PACRG: variants seen among roughly 807,000 people sequenced by gnomAD.
The protein encoded by PACRG is parkin coregulated.
PACRG carries 29 observed loss-of-function variants against 29.7 expected under a neutral mutation model. The ratio of observed to expected loss-of-function variants is 0.98; its 90% CI spans 0.73 to 1.33. PACRG has a LOEUF of 1.33. Among genes scored for constraint, PACRG ranks in the 40% most tolerant of loss-of-function variants. The pLI, the probability that PACRG is intolerant of heterozygous loss-of-function variation, is 0.00. For missense variants in PACRG, 279 were observed against 316.2 expected, an observed-to-expected ratio of 0.88 and a Z score of 0.89; for synonymous variants, 116 against 118.7, an observed-to-expected ratio of 0.98 and a Z score of 0.15.
chr6:162,838,121 AT>A (rs1789399312), intron 2 of PACRG, among the ~76,000 whole-genome samples: 1 of 152,142 alleles, frequency 6.6e-6, no homozygotes, highest in Non-Finnish European at 1.5e-5. Flanking sequence ...TTGACTTATT[AT>A]TACATATCAT....
intron 1 of PACRG, among the ~76,000 whole-genome samples, chr6:162,780,523 A>T (rs937733535): frequency 1.3e-5 from 2 of 152,200 alleles, no homozygotes; most frequent in African/African-American, 4.8e-5. Flanking sequence ...CCAATTAAAA[A>T]TTATCAGACA....
intron 4 of PACRG, among the ~76,000 whole-genome samples, chr6:163,093,505 G>A (rs1364468101): frequency 6.6e-6 from 1 of 152,184 alleles, no homozygotes; most frequent in Non-Finnish European, 1.5e-5. Flanking sequence ...TAATGATGCA[G>A]AGTATTACAT....
At chr6:162,764,270 A>T (rs1562573517) in intron 1 of PACRG, among the ~76,000 whole-genome samples, 1 of 152,082 alleles carries the variant, frequency 6.6e-6, no homozygotes, top group Non-Finnish European at 1.5e-5. Flanking sequence ...GCGAGACTCC[A>T]TCACAAAAAA....
At position 162,888,768 on chromosome 6, in the gene PACRG, C is replaced by T. The variant is rs79750341; in HGVS notation, c.291+74487C>T. On this transcript the variant is annotated intron_variant, in intron 2 of 4. Coordinates refer to ENST00000366888, the MANE Select transcript of PACRG (RefSeq NM_001080379.2). ...GCCCTGGCTCCCATTAGGCAACCTTCCTCTTTGGAAAACCCAATAGCCAGG... is the reference window on the plus strand; with the variant it reads ...GCCCTGGCTCCCATTAGGCAACCTTTCTCTTTGGAAAACCCAATAGCCAGG... Among the ~76,000 whole-genome samples the T allele has an allele frequency of 1.5e-3, 226 of 152,240 alleles. 2 individuals carry two copies. In the East Asian group the frequency reaches 0.019, roughly 12 times the overall value.
chr6:163,314,154 C>T (rs1409244217), intron 4 of PACRG, among the ~76,000 whole-genome samples: 1 of 152,200 alleles, frequency 6.6e-6, no homozygotes, highest in Non-Finnish European at 1.5e-5. Context: ...TGACACACCT[C>T]CCCGGACTTG....
intron 4 of PACRG, among the ~76,000 whole-genome samples, chr6:163,223,448 A>G (rs1781666719): frequency 1.3e-5 from 2 of 152,170 alleles, no homozygotes; most frequent in Non-Finnish European, 2.9e-5. Context: ...AAATACTGAG[A>G]ATAAAAATGT....
chr6:162,956,126 G>T (rs765917294), intron 2 of PACRG, among the ~76,000 whole-genome samples: 3 of 152,318 alleles, frequency 2.0e-5, no homozygotes, highest in East Asian at 3.9e-4. Flanking sequence ...TAAGGTGGAA[G>T]ATCAAGTGCA....
chr6:162,874,317 G>A (rs558669450), intron 2 of PACRG, among the ~76,000 whole-genome samples: 2 of 151,868 alleles, frequency 1.3e-5, no homozygotes, highest in Admixed American at 1.3e-4. Flanking sequence ...TTTAGCTGCC[G>A]ATTTGCCTAC....
chr6:163,071,040 G>T (rs1811996921), intron 3 of PACRG, among the ~76,000 whole-genome samples: 1 of 151,948 alleles, frequency 6.6e-6, no homozygotes, highest in Non-Finnish European at 1.5e-5. Context: ...CACCCAGATA[G>T]GTAAAGCAAA....
At chr6:162,798,682 G>A (rs1261319007) in intron 1 of PACRG, among the ~76,000 whole-genome samples, 1 of 152,128 alleles carries the variant, frequency 6.6e-6, no homozygotes, top group Admixed American at 6.5e-5. Context: ...CTGTGAAGTG[G>A]GGCATTTGCT....
At chr6:162,732,736 C>T (rs570630008) in intron 1 of PACRG, among the ~76,000 whole-genome samples, 1 of 152,300 alleles carries the variant, frequency 6.6e-6, no homozygotes, top group South Asian at 2.1e-4. Flanking sequence ...ATCCACCTAT[C>T]AATTGGTTGA....
chr6:162,749,836 T>C (rs1392334792), intron 1 of PACRG, among the ~76,000 whole-genome samples: 4 of 152,222 alleles, frequency 2.6e-5, no homozygotes, highest in Admixed American at 6.5e-5. Flanking sequence ...ACATATTTCT[T>C]ACTGTAATAA....
intron 2 of PACRG, among the ~76,000 whole-genome samples, chr6:162,820,764 T>C (rs996507601): frequency 2.6e-5 from 4 of 152,240 alleles, no homozygotes; most frequent in Admixed American, 2.0e-4. Flanking sequence ...GAATGAATGT[T>C]CTCTTGGAAT....
At chr6:162,940,837 A>C (rs1400678493) in intron 2 of PACRG, among the ~76,000 whole-genome samples, 2 of 152,210 alleles carry the variant, frequency 1.3e-5, no homozygotes, top group South Asian at 2.1e-4. Flanking sequence ...ATTACTGTAC[A>C]TTCGTAACCT....
intron 1 of PACRG, among the ~76,000 whole-genome samples, chr6:162,735,930 A>G (rs1043621257): frequency 2.6e-5 from 4 of 152,220 alleles, no homozygotes; most frequent in Non-Finnish European, 4.4e-5. Flanking sequence ...AATAAAGTGT[A>G]ATTAAAGTAG....
chr6:163,263,361 A>G (rs1783410749), intron 4 of PACRG, among the ~76,000 whole-genome samples: 1 of 152,154 alleles, frequency 6.6e-6, no homozygotes, highest in African/African-American at 2.4e-5. Context: ...GACTTGGTAC[A>G]GAAGTCTAAG....
At chr6:163,125,752 T>TA (rs1816488462) in intron 4 of PACRG, among the ~76,000 whole-genome samples, 1 of 152,252 alleles carries the variant, frequency 6.6e-6, no homozygotes, top group Non-Finnish European at 1.5e-5. Flanking sequence ...TTTTGAAAGA[T>TA]AATTAGCTTT....
chr6:163,023,682 C>A (rs1011539534), intron 2 of PACRG, among the ~76,000 whole-genome samples: 13 of 152,230 alleles, frequency 8.5e-5, no homozygotes, highest in African/African-American at 2.9e-4. Flanking sequence ...GACTAATTTA[C>A]ATTCCCACCA....
intron 2 of PACRG, among the ~76,000 whole-genome samples, chr6:162,977,636 G>A (rs1802068159): frequency 6.6e-6 from 1 of 151,900 alleles, no homozygotes; most frequent in Admixed American, 6.6e-5. Context: ...TTCCTGCCTA[G>A]CTTATTATTA....
Sources: gnomAD v4.1 joint callset for allele counts (sites outside exome capture counted in the v4.1 genomes callset) on GRCh38, gnomAD v4.1.1 for gene constraint, MANE v1.5 for transcripts, NCBI Gene and HGNC (gene_info 2026-07-23, HGNC 2026-07-21) for gene names.